Variants in CDKL1 observed in about 807,000 individuals in gnomAD.
CDKL1 encodes cyclin-dependent kinase-like 1.
CDKL1 carries 41 observed loss-of-function variants against 42.0 expected under a neutral mutation model. The ratio of observed to expected loss-of-function variants is 0.98; its 90% CI spans 0.76 to 1.27. CDKL1 has a LOEUF of 1.27. Among genes scored for constraint, CDKL1 ranks in the 50% most tolerant of loss-of-function variants. The probability of loss-of-function intolerance (pLI) is 0.00; values close to 1 mark genes in which losing one functional copy is unlikely to be tolerated. For synonymous variants in CDKL1, 153 were observed against 158.6 expected, an observed-to-expected ratio of 0.96 and a Z score of 0.26; for missense variants, 394 against 428.4, an observed-to-expected ratio of 0.92 and a Z score of 0.71.
chr14:50,338,205 G>A (rs2033378640), intron 7 of CDKL1, among the ~76,000 whole-genome samples: 1 of 151,962 alleles, frequency 6.6e-6, no homozygotes, highest in Non-Finnish European at 1.5e-5. Flanking sequence ...GAGTAAGGCT[G>A]GCTAAGGAAG....
At position 50,342,207 on chromosome 14, in the gene CDKL1, CGTCTCT is replaced by C. The variant is rs752267948; in HGVS notation, c.373_378del (p.Arg125_Asp126del). The C allele has an allele frequency of 3.1e-6, 5 of 1,613,728 alleles. No individual in the cohort carries two copies. In the African/African-American group the frequency reaches 5.3e-5, roughly 17 times the overall value. ...GTGATGAGGATATTTTCTGGCTTCA[CGTCTCT>C]ATGTATGCACTAGTGTAACAAATCA... On this transcript the variant is annotated inframe_deletion, in exon 5 of 10. Transcript: ENST00000395834.
At chr14:50,354,171 TCTTGAACTCCTGAC>T (rs1455489144) in intron 3 of CDKL1, among the ~76,000 whole-genome samples, 2 of 152,124 alleles carry the variant, frequency 1.3e-5, no homozygotes, top group Non-Finnish European at 2.9e-5. Flanking sequence ...GCCAGGCTGG[TCTTGAACTCCTGAC>T]CTTAAGTGAT....
intron 2 of CDKL1, among the ~76,000 whole-genome samples, chr14:50,393,081 C>T (rs2035305115): frequency 6.6e-6 from 1 of 152,188 alleles, no homozygotes; most frequent in Non-Finnish European, 1.5e-5. Flanking sequence ...ATATAGGGTG[C>T]TTTCTACTTA....
At chr14:50,389,232 C>T (rs997782262) in intron 2 of CDKL1, among the ~76,000 whole-genome samples, 3 of 151,818 alleles carry the variant, frequency 2.0e-5, no homozygotes, top group Non-Finnish European at 4.4e-5. Context: ...AAGGGATGCT[C>T]TGGACATTCT....
At chr14:50,397,242 G>A (rs1160493991), upstream of CDKL1, 1 of 1,366,440 alleles carries the variant, frequency 7.3e-7, no homozygotes, top group African/African-American at 1.5e-5. Flanking sequence ...TATTCCCTTT[G>A]GTCCCTTGGA....
chr14:50,343,078 G>A (rs532589351), intron 4 of CDKL1: 4 of 1,297,676 alleles, frequency 3.1e-6, no homozygotes, highest in African/African-American at 3.1e-5. Flanking sequence ...AAGAACGTTT[G>A]AGAATCTTCA....
At chr14:50,396,648 G>T (rs1276059284) in intron 1 of CDKL1, 176 bp downstream of exon 1, 1 of 199,924 alleles carries the variant, frequency 5.0e-6, no homozygotes, top group African/African-American at 2.4e-5. Context: ...GCTCCCCGCG[G>T]AGGCGGCGGC....
chr14:50,342,895 G>C, intron 4 of CDKL1: 1 of 1,308,164 alleles, frequency 7.6e-7, no homozygotes, highest in Non-Finnish European at 1.0e-6. Context: ...AGAGTAGGCA[G>C]CAGCCCTCAC....
At chr14:50,343,002 TA>T (rs1030013768) in intron 4 of CDKL1, 6 of 1,354,936 alleles carry the variant, frequency 4.4e-6, no homozygotes, top group Non-Finnish European at 5.9e-6. Flanking sequence ...CTCCAGAATT[TA>T]GACTCAAATC....
intron 3 of CDKL1, among the ~76,000 whole-genome samples, chr14:50,355,459 A>C (rs1380760790): frequency 6.6e-6 from 1 of 152,248 alleles, no homozygotes; most frequent in African/African-American, 2.4e-5. Flanking sequence ...ATTAGGCTTT[A>C]GAAATTTTAA....
intron 3 of CDKL1, among the ~76,000 whole-genome samples, chr14:50,347,479 TG>T (rs2033766431): frequency 6.6e-6 from 1 of 152,146 alleles, no homozygotes; most frequent in African/African-American, 2.4e-5. Flanking sequence ...TGGCCAGATT[TG>T]GGCTATATTT....
At chr14:50,335,770 A>G (rs2033236485) in intron 7 of CDKL1, 7 of 985,366 alleles carry the variant, frequency 7.1e-6, no homozygotes, top group East Asian at 1.1e-4. Context: ...CTAATCAAAC[A>G]GTCCTGGTGC....
intron 2 of CDKL1, among the ~76,000 whole-genome samples, chr14:50,383,871 G>A (rs1013869061): frequency 6.6e-6 from 1 of 152,018 alleles, no homozygotes. Flanking sequence ...TGCTTCTGTT[G>A]TTCTGAAAGT....
intron 7 of CDKL1, among the ~76,000 whole-genome samples, chr14:50,336,863 T>TAA (rs35078048): frequency 0.044 from 6,560 of 148,384 alleles, 369 homozygotes; most frequent in East Asian, 0.16. Context: ...TTCACAAATG[T>TAA]AAAAAAAAAA....
chr14:50,396,890 G>T (rs10136664), upstream of CDKL1: 46,491 of 235,484 alleles, frequency 0.2, 4,942 homozygotes, highest in African/African-American at 0.27. Context: ...TCGGCTCGGC[G>T]TGGCTCGGCC....
intron 2 of CDKL1, chr14:50,378,200 C>A: frequency 7.3e-7 from 1 of 1,366,450 alleles, no homozygotes; most frequent in Non-Finnish European, 9.8e-7. Flanking sequence ...AAATCCCTCA[C>A]ATGATGCAGG....
At chr14:50,378,556 C>T (rs1234712823) in intron 2 of CDKL1, 8 of 752,388 alleles carry the variant, frequency 1.1e-5, no homozygotes, top group Non-Finnish European at 3.7e-6. Context: ...TTTATAGAGA[C>T]AGGGTCATAA....
At chr14:50,379,522 T>C (rs1472086440) in intron 2 of CDKL1, among the ~76,000 whole-genome samples, 2 of 152,038 alleles carry the variant, frequency 1.3e-5, no homozygotes, top group African/African-American at 2.4e-5. Flanking sequence ...GATTCCAGAG[T>C]GGCAGAGACC....
At chr14:50,357,951 C>T (rs961643788) in intron 3 of CDKL1, 21 of 686,894 alleles carry the variant, frequency 3.1e-5, no homozygotes, top group Non-Finnish European at 4.5e-5. Flanking sequence ...GAAAGAACAG[C>T]CACTACCTAC....
Sources: gnomAD v4.1 joint callset for allele counts (sites outside exome capture counted in the v4.1 genomes callset) on GRCh38, gnomAD v4.1.1 for gene constraint, MANE v1.5 for transcripts, NCBI Gene and HGNC (gene_info 2026-07-23, HGNC 2026-07-21) for gene names.